The following CRY1 variants were observed in gnomAD, a reference collection of about 807,000 sequenced individuals.
CRY1 encodes cryptochrome circadian regulator 1, also known as cryptochrome-1.
CRY1 carries 45 observed loss-of-function variants against 76.0 expected under a neutral mutation model. The observed-to-expected ratio is 0.59, with a 90% CI of 0.47 to 0.76. The LOEUF (loss-of-function observed/expected upper bound fraction) is 0.76, where lower values mean the gene tolerates loss of function less well. Among genes scored for constraint, CRY1 ranks in the 30% least tolerant of loss-of-function variants. The probability of loss-of-function intolerance (pLI) is 0.00; values close to 1 mark genes in which losing one functional copy is unlikely to be tolerated. For synonymous variants in CRY1, 248 were observed against 244.0 expected (o/e 1.02, Z -0.15); for missense variants, 587 against 716.4 (o/e 0.82, Z 2.06).
At chr12:107,070,793 C>T (rs1046804756) in intron 1 of CRY1, among the ~76,000 whole-genome samples, 10 of 151,338 alleles carry the variant, frequency 6.6e-5, no homozygotes, top group Non-Finnish European at 1.5e-4. Flanking sequence ...CTCTGCCTCC[C>T]GGGTTCACAG....
chr12:107,005,773 T>C (rs1315164376), intron 2 of CRY1, among the ~76,000 whole-genome samples: 1 of 152,146 alleles, frequency 6.6e-6, no homozygotes, highest in African/African-American at 2.4e-5. Flanking sequence ...TGTGTGTATG[T>C]AAATATTTTC....
At chr12:107,078,311 A>C (rs1345839208) in intron 1 of CRY1, among the ~76,000 whole-genome samples, 3 of 152,056 alleles carry the variant, frequency 2.0e-5, no homozygotes, top group Non-Finnish European at 4.4e-5. Context: ...ATATGCAATA[A>C]TTTCCTTTTC....
At chr12:107,013,989 G>A (rs568554473) in intron 2 of CRY1, among the ~76,000 whole-genome samples, 1 of 152,188 alleles carries the variant, frequency 6.6e-6, no homozygotes, top group African/African-American at 2.4e-5. Flanking sequence ...GTGTTCAAAA[G>A]TACCAATTGC....
intron 1 of CRY1, among the ~76,000 whole-genome samples, chr12:107,074,698 G>A (rs1197037597): frequency 6.6e-6 from 1 of 152,150 alleles, no homozygotes; most frequent in Admixed American, 6.5e-5. Flanking sequence ...AAGGGACCTT[G>A]GCAATTATGT....
chr12:107,091,497 T>C (rs1321754849), intron 1 of CRY1, among the ~76,000 whole-genome samples: 1 of 152,182 alleles, frequency 6.6e-6, no homozygotes, highest in Non-Finnish European at 1.5e-5. Context: ...AGCTTCTTAA[T>C]TGGACTTCCT....
chr12:107,093,126 G>C lies in CRY1; in HGVS notation c.-165C>G, dbSNP rs569023811. On this transcript the variant is annotated 5_prime_UTR_variant, in exon 1 of 13. Coordinates refer to ENST00000008527, the MANE Select transcript of CRY1 (RefSeq NM_004075.5). ...CTCCGAGGAGGGGACCGGAGAAGGC[G>C]GGGGCGCCGGAGGCGCAGTGGAAAG... 6 of 799,092 alleles carry C rather than the reference G, an allele frequency of 7.5e-6. No homozygotes were observed. The highest frequency in any genetic ancestry group is 7.4e-6 in the Non-Finnish European group (4 of 537,324). 49.5% of individuals were successfully genotyped at this position (799,092 alleles called of 1,614,324 possible).
intron 1 of CRY1, among the ~76,000 whole-genome samples, chr12:107,078,549 T>C (rs1027871049): frequency 6.6e-6 from 1 of 152,122 alleles, no homozygotes; most frequent in African/African-American, 2.4e-5. Flanking sequence ...TTGACTAACA[T>C]AACTTTTTAT....
Position 107,001,771 on chromosome 12 carries a change from T to C in CRY1, c.588A>G (p.Glu196=). Residue 196 remains glutamate (E), a synonymous_variant, in exon 4 of 13, where the codon GAA becomes GAG. Transcript: ENST00000008527. The part of the protein sequence containing the change: ...HDEKYGVPSL[E]ELGFDTDGLS... ...ACTACAGTTTACACTCACCTAGCTC[T>C]TCCAGTGAAGGGACTCCATATTTCT... 6.4e-7 allele frequency: 1 copy of C among 1,551,960 alleles called. No homozygotes were observed. Among genetic ancestry groups the C allele is most frequent in the South Asian group, 1.3e-5 (1 of 78,828 alleles).
intron 1 of CRY1, among the ~76,000 whole-genome samples, chr12:107,033,982 G>C (rs1387276280): frequency 6.6e-6 from 1 of 151,440 alleles, no homozygotes; most frequent in African/African-American, 2.4e-5. Flanking sequence ...ATCTTAAATA[G>C]GGCCTTGGTA....
At chr12:107,002,340 A>C (rs1234607639) in intron 3 of CRY1, among the ~76,000 whole-genome samples, 1 of 152,218 alleles carries the variant, frequency 6.6e-6, no homozygotes, top group Non-Finnish European at 1.5e-5. Flanking sequence ...TCAATCATCA[A>C]TAAAAACTAA....
At chr12:107,078,947 C>T (rs1953290199) in intron 1 of CRY1, among the ~76,000 whole-genome samples, 1 of 152,082 alleles carries the variant, frequency 6.6e-6, no homozygotes, top group Admixed American at 6.6e-5. Context: ...CTTGTTTAAG[C>T]CTGTATTATC....
intron 1 of CRY1, 98 bp downstream of exon 1, chr12:107,092,706 C>A: frequency 6.6e-7 from 1 of 1,526,220 alleles, no homozygotes; most frequent in South Asian, 1.2e-5. Flanking sequence ...GCAAGACAGT[C>A]CCACGTCTAA....
chr12:107,041,413 T>C (rs1042711833), intron 1 of CRY1, among the ~76,000 whole-genome samples: 3 of 152,222 alleles, frequency 2.0e-5, no homozygotes, highest in Non-Finnish European at 4.4e-5. Flanking sequence ...ATATCTATCA[T>C]GGCACTTTGT....
chr12:107,001,249 A>G, intron 5 of CRY1, 31 bp downstream of exon 5: 1 of 1,492,528 alleles, frequency 6.7e-7, no homozygotes, highest in African/African-American at 1.4e-5. Context: ...TTGGAAATAC[A>G]AGCATAGCTA....
intron 1 of CRY1, among the ~76,000 whole-genome samples, chr12:107,065,210 C>T (rs1179713412): frequency 6.6e-6 from 1 of 152,110 alleles, no homozygotes; most frequent in Non-Finnish European, 1.5e-5. Flanking sequence ...ATGGGAATTG[C>T]TTGAACTCAG....
intron 1 of CRY1, among the ~76,000 whole-genome samples, chr12:107,088,340 T>C (rs1434259420): frequency 6.6e-6 from 1 of 152,202 alleles, no homozygotes; most frequent in Non-Finnish European, 1.5e-5. Flanking sequence ...CCTTCCATCA[T>C]GATTAAAAGC....
intron 7 of CRY1, among the ~76,000 whole-genome samples, chr12:106,998,753 T>C (rs899646933): frequency 1.3e-5 from 2 of 151,032 alleles, no homozygotes; most frequent in African/African-American, 2.4e-5. Context: ...GTAAAAAATG[T>C]ACGTAATGGC....
intron 1 of CRY1, among the ~76,000 whole-genome samples, chr12:107,063,179 T>C (rs940730253): frequency 1.3e-5 from 2 of 152,172 alleles, no homozygotes; most frequent in African/African-American, 4.8e-5. Context: ...AAATGCAGTG[T>C]ACACAAATGG....
chr12:107,059,412 T>C (rs1953023621), intron 1 of CRY1, among the ~76,000 whole-genome samples: 1 of 152,084 alleles, frequency 6.6e-6, no homozygotes, highest in Admixed American at 6.6e-5. Context: ...CATACTTGTC[T>C]AATTTTTTTT....
Sources: allele counts gnomAD v4.1 joint callset (sites outside exome capture counted in the v4.1 genomes callset), GRCh38; gene constraint gnomAD v4.1.1; transcripts MANE v1.5; gene names NCBI Gene and HGNC (gene_info 2026-07-23, HGNC 2026-07-21).